The following MACF1 variants were observed in gnomAD, a reference collection of about 807,000 sequenced individuals.
MACF1 encodes microtubule-actin cross-linking factor 1.
Under a neutral mutation model 854.8 loss-of-function variants are expected in MACF1, and 193 were observed. The ratio of observed to expected loss-of-function variants is 0.23; its 90% CI spans 0.20 to 0.25. The LOEUF is 0.25. Ranked by LOEUF, MACF1 falls within the 10% of genes least tolerant of loss-of-function variation. The probability of loss-of-function intolerance (pLI) is 1.00; values close to 1 mark genes in which losing one functional copy is unlikely to be tolerated. For missense variants in MACF1, 7,722 were observed against 8,929.1 expected (o/e 0.86, Z 5.45); for synonymous variants, 3,185 against 3,226.7 (o/e 0.99, Z 0.44).
chr1:39,321,929 T>C (rs935268022), intron 31 of MACF1, among the ~76,000 whole-genome samples: 19 of 152,234 alleles, frequency 1.2e-4, no homozygotes, highest in Admixed American at 5.2e-4. Flanking sequence ...AGAGAATAAA[T>C]TGAGATTAGA....
In MACF1 at chr1:39,303,088, C is replaced by T. The variant is rs1345395658; in HGVS notation, c.2789+10C>T. 1 of 1,612,890 alleles carries T rather than the reference C, an allele frequency of 6.2e-7. No individual in the cohort carries two copies. ...TTGAGATGGCCAGCAGGTAACTTGGCTCAGCTGCCACTGGTACACCCACCT... is the reference window on the plus strand; with the variant it reads ...TTGAGATGGCCAGCAGGTAACTTGGTTCAGCTGCCACTGGTACACCCACCT... On this transcript the variant is annotated intron_variant, in intron 23 of 100. Transcript: ENST00000564288.
intron 2 of MACF1, among the ~76,000 whole-genome samples, chr1:39,104,162 ACCT>A (rs1162666078): frequency 6.6e-6 from 1 of 152,048 alleles, no homozygotes; most frequent in African/African-American, 2.4e-5. Flanking sequence ...ACCTCTCCAG[ACCT>A]CCTGAAAAAT....
intron 2 of MACF1, among the ~76,000 whole-genome samples, chr1:39,128,873 A>G (rs1642927898): frequency 6.6e-6 from 1 of 152,156 alleles, no homozygotes; most frequent in Non-Finnish European, 1.5e-5. Flanking sequence ...ATTAATTTCT[A>G]CCACTCATTT....
At chr1:39,398,500 A>T (rs180728738) in intron 58 of MACF1, among the ~76,000 whole-genome samples, 1 of 152,168 alleles carries the variant, frequency 6.6e-6, no homozygotes, top group Admixed American at 6.5e-5. Context: ...AAGTGCTGCG[A>T]AACAACCTAC....
At chr1:39,220,730 C>T (rs1175936848) in intron 1 of MACF1, among the ~76,000 whole-genome samples, 1 of 151,970 alleles carries the variant, frequency 6.6e-6, no homozygotes, top group Non-Finnish European at 1.5e-5. Flanking sequence ...AGTGATCCAC[C>T]CACCTCGGCC....
At chr1:39,371,948 G>C (rs1649290238) in intron 51 of MACF1, among the ~76,000 whole-genome samples, 1 of 151,616 alleles carries the variant, frequency 6.6e-6, no homozygotes, top group Non-Finnish European at 1.5e-5. Flanking sequence ...TGAGTCGCTG[G>C]GATTACGGGT....
intron 23 of MACF1, among the ~76,000 whole-genome samples, chr1:39,306,338 G>A (rs1399191644): frequency 6.6e-6 from 1 of 152,046 alleles, no homozygotes; most frequent in East Asian, 1.9e-4. Flanking sequence ...ATGTTGGCCA[G>A]GCTGGTCTCG....
At chr1:39,133,655 TA>T (rs1643075849) in intron 2 of MACF1, among the ~76,000 whole-genome samples, 1 of 152,184 alleles carries the variant, frequency 6.6e-6, no homozygotes, top group South Asian at 2.1e-4. Context: ...TTGATATATG[TA>T]AACATTGTGG....
chr1:39,093,674 CG>C (rs1051803306), intron 2 of MACF1, among the ~76,000 whole-genome samples: 1 of 151,824 alleles, frequency 6.6e-6, no homozygotes, highest in African/African-American at 2.4e-5. Flanking sequence ...TTAGTAGACA[CG>C]GGGTTTCATC....
At chr1:39,140,959 A>T (rs1157744366) in intron 2 of MACF1, among the ~76,000 whole-genome samples, 3 of 147,510 alleles carry the variant, frequency 2.0e-5, no homozygotes, top group African/African-American at 7.5e-5. Context: ...AGTCACTGTT[A>T]TAAATGCTTT....
chr1:39,347,279 C>T (rs1647073740), intron 41 of MACF1, 69 bp downstream of exon 41: 1 of 1,188,014 alleles, frequency 8.4e-7, no homozygotes, highest in Non-Finnish European at 1.2e-6. Flanking sequence ...GTTTTCTGGC[C>T]AGACTCTGTG....
intron 16 of MACF1, 59 bp from the exon 17 acceptor site, chr1:39,292,707 A>G (rs1645817507): frequency 8.2e-7 from 1 of 1,219,546 alleles, no homozygotes; most frequent in Non-Finnish European, 1.2e-6. Context: ...TTGCAACCAT[A>G]ACACGTAGTT....
chr1:39,471,960 C>G lies in MACF1; in HGVS notation c.21958+2345C>G, dbSNP rs1409413942. ...CTCTTCATCTTGTAAAACTGAAACT[C>G]TATACCCATTAAACAATAGCTTAGA... is the stretch of plus-strand genomic sequence containing the variant. On this transcript the variant is annotated intron_variant, in intron 97 of 100. Transcript: ENST00000564288. Among the ~76,000 whole-genome samples, 5 of 152,154 alleles carry G rather than the reference C, an allele frequency of 3.3e-5. No individual in the cohort carries two copies. In the East Asian group the frequency reaches 9.6e-4, roughly 29 times the overall value.
intron 58 of MACF1, among the ~76,000 whole-genome samples, chr1:39,405,882 CTT>C (rs201320427): frequency 2.8e-5 from 4 of 144,090 alleles, no homozygotes; most frequent in South Asian, 2.2e-4. Flanking sequence ...TGAACAGATG[CTT>C]TTTTTTTTTT....
intron 1 of MACF1, among the ~76,000 whole-genome samples, chr1:39,223,233 A>G (rs1644674884): frequency 6.6e-6 from 1 of 152,176 alleles, no homozygotes; most frequent in Non-Finnish European, 1.5e-5. Flanking sequence ...GGAAGTTTTT[A>G]TGGAAAGGTA....
intron 6 of MACF1, among the ~76,000 whole-genome samples, chr1:39,280,149 C>T (rs933321010): frequency 7.2e-5 from 11 of 152,066 alleles, no homozygotes; most frequent in Non-Finnish European, 1.0e-4. Context: ...CCACCTGCCT[C>T]GGCCTCCCAA....
intron 2 of MACF1, among the ~76,000 whole-genome samples, chr1:39,238,522 G>A (rs927189117): frequency 6.6e-6 from 1 of 152,158 alleles, no homozygotes; most frequent in African/African-American, 2.4e-5. Context: ...GTCTCTAACC[G>A]TTGGAGGAAC....
intron 97 of MACF1, among the ~76,000 whole-genome samples, chr1:39,473,209 C>G (rs895471380): frequency 6.6e-6 from 1 of 152,140 alleles, no homozygotes; most frequent in Non-Finnish European, 1.5e-5. Context: ...AGTGAGACAC[C>G]CTTTGGGCCC....
Position 39,331,345 on chromosome 1 carries a change from C to T in MACF1, c.4757C>T (p.Ala1586Val). The T allele has an allele frequency of 1.2e-6, 2 of 1,614,036 alleles. No individual in the cohort carries two copies. The highest frequency in any genetic ancestry group is 8.5e-7 in the Non-Finnish European group (1 of 1,180,022). ...CAGGTTATCATGTCTGGCCTCATTG[C>T]CCCTGAGACGGGTGAAAACCTCTCT... is the stretch of plus-strand genomic sequence containing the variant. ...ESQVIMSGLI[A>V]PETGENLSLE... Residue 1586 changes from alanine to valine, a missense_variant, in exon 37 of 101, where the codon GCC becomes GTC. Transcript: ENST00000564288.
Sources: gnomAD v4.1 joint callset for allele counts (sites outside exome capture counted in the v4.1 genomes callset) on GRCh38, gnomAD v4.1.1 for gene constraint, MANE v1.5 for transcripts, NCBI Gene and HGNC (gene_info 2026-07-23, HGNC 2026-07-21) for gene names.